The following WBP1L variants were observed in gnomAD, a reference collection of about 807,000 sequenced individuals.
WBP1L encodes WW domain binding protein 1-like.
WBP1L carries 17 observed loss-of-function variants against 33.7 expected under a neutral mutation model. That is an observed-to-expected ratio of 0.50 (90% CI 0.34 to 0.76). WBP1L has a LOEUF of 0.76. Ranked by LOEUF, WBP1L falls within the 30% of genes least tolerant of loss-of-function variation. The probability of loss-of-function intolerance (pLI) is 0.01; values close to 1 mark genes in which losing one functional copy is unlikely to be tolerated. For missense variants in WBP1L, 389 were observed against 469.4 expected (o/e 0.83, Z 1.58); for synonymous variants, 173 against 190.8 (o/e 0.91, Z 0.77).
Position 102,747,767 on chromosome 10 carries a change from A to G in WBP1L, c.90+3624A>G, listed in dbSNP as rs529594127. ...GGTCGCAAACTCCTGGGCTCAAGCG[A>G]TCTGCCCATCTCAGCCTCCCAGAGT... On this transcript the variant is annotated intron_variant, in intron 1 of 3. Transcript: ENST00000448841. 5.3e-5 allele frequency among the ~76,000 whole-genome samples: 8 copies of G among 152,226 alleles called. No homozygotes were observed. The South Asian group carries it at 1.7e-3, about 32-fold the overall frequency.
intron 1 of WBP1L, among the ~76,000 whole-genome samples, chr10:102,749,766 ATATT>A (rs779379207): frequency 1.3e-5 from 2 of 151,380 alleles, no homozygotes; most frequent in African/African-American, 2.4e-5. Flanking sequence ...CTGGCCCTCC[ATATT>A]TATTTATTTA....
intron 1 of WBP1L, among the ~76,000 whole-genome samples, chr10:102,783,284 G>A (rs901957550): frequency 1.3e-5 from 2 of 152,152 alleles, no homozygotes; most frequent in East Asian, 1.9e-4. Flanking sequence ...GTTCATTCTC[G>A]CACTGGTCAT....
At chr10:102,789,323 C>G (rs1271748232) in intron 1 of WBP1L, among the ~76,000 whole-genome samples, 4 of 152,274 alleles carry the variant, frequency 2.6e-5, no homozygotes, top group Middle Eastern at 6.8e-3. Context: ...GAATTCTTAG[C>G]TCCCCTTTCA....
At chr10:102,748,039 G>C (rs752845515) in intron 1 of WBP1L, among the ~76,000 whole-genome samples, 1 of 151,874 alleles carries the variant, frequency 6.6e-6, no homozygotes, top group Admixed American at 6.6e-5. Context: ...GGCGGATCAC[G>C]AGATCAGGAG....
chr10:102,774,731 C>G (rs1311419111), intron 1 of WBP1L, among the ~76,000 whole-genome samples: 1 of 151,974 alleles, frequency 6.6e-6, no homozygotes, highest in Non-Finnish European at 1.5e-5. Context: ...CCATGGAGGC[C>G]TTGGATAAGT....
chr10:102,767,619 G>A (rs1021109891), intron 1 of WBP1L, among the ~76,000 whole-genome samples: 1 of 152,152 alleles, frequency 6.6e-6, no homozygotes, highest in Non-Finnish European at 1.5e-5. Flanking sequence ...TTTGGAGACC[G>A]AGAGCAGGAT....
In WBP1L at chr10:102,815,382, C is replaced by G. The variant is rs971795494; in HGVS notation, c.*2051C>G. 1 of 152,690 alleles carries G rather than the reference C, an allele frequency of 6.5e-6. No individual in the cohort carries two copies. Among genetic ancestry groups the G allele is most frequent in the Non-Finnish European group, 1.5e-5 (1 of 68,076 alleles). The allele number at this position is 152,690 out of a possible 1,614,324, so 9.5% of individuals were successfully genotyped here. On this transcript the variant is annotated 3_prime_UTR_variant, in exon 4 of 4. Coordinates refer to ENST00000448841, the MANE Select transcript of WBP1L (RefSeq NM_001083913.2). ...CTGCCTCCCTCGGCTGCTGCTGGTCCTCAGTACCAGCGCCCGGGGGTGTCC... is the reference window on the plus strand; with the variant it reads ...CTGCCTCCCTCGGCTGCTGCTGGTCGTCAGTACCAGCGCCCGGGGGTGTCC...
At chr10:102,751,920 T>C (rs1323310512) in intron 1 of WBP1L, among the ~76,000 whole-genome samples, 1 of 152,224 alleles carries the variant, frequency 6.6e-6, no homozygotes, top group Non-Finnish European at 1.5e-5. Context: ...GATTAATAAG[T>C]ATAATAATAA....
chr10:102,761,193 G>A (rs1455687512), intron 1 of WBP1L, among the ~76,000 whole-genome samples: 1 of 148,152 alleles, frequency 6.7e-6, no homozygotes, highest in South Asian at 2.2e-4. Flanking sequence ...AGGCTGGAGT[G>A]CAGTGGCGCG....
chr10:102,765,698 G>A (rs1843097610), intron 1 of WBP1L, among the ~76,000 whole-genome samples: 1 of 152,220 alleles, frequency 6.6e-6, no homozygotes, highest in South Asian at 2.1e-4. Flanking sequence ...AGGTAGGGCT[G>A]AGAAGAAATA....
chr10:102,783,828 G>A (rs925209962), intron 1 of WBP1L, among the ~76,000 whole-genome samples: 1 of 152,192 alleles, frequency 6.6e-6, no homozygotes, highest in Non-Finnish European at 1.5e-5. Flanking sequence ...AGAAACCTTG[G>A]GGTAGAAACC....
chr10:102,796,699 T>C (rs1396204398), intron 1 of WBP1L, among the ~76,000 whole-genome samples: 1 of 152,224 alleles, frequency 6.6e-6, no homozygotes, highest in Non-Finnish European at 1.5e-5. Flanking sequence ...CAATGTCTTA[T>C]TCATCTTTGT....
intron 1 of WBP1L, among the ~76,000 whole-genome samples, chr10:102,763,207 CA>C (rs36003893): frequency 0.01 from 954 of 94,024 alleles, 6 homozygotes; most frequent in African/African-American, 0.031. Context: ...ACTTTTGTCT[CA>C]AAAAAAAAAA....
chr10:102,790,956 T>C (rs1843488987), intron 1 of WBP1L, among the ~76,000 whole-genome samples: 1 of 152,212 alleles, frequency 6.6e-6, no homozygotes, highest in African/African-American at 2.4e-5. Flanking sequence ...CCTCAGACCA[T>C]GTAGTAGTAC....
Position 102,766,216 on chromosome 10 carries a change from C to G in WBP1L, c.90+22073C>G, listed in dbSNP as rs1350007006. 5.3e-5 allele frequency among the ~76,000 whole-genome samples: 8 copies of G among 151,874 alleles called. No individual in the cohort carries two copies. In the South Asian group the frequency reaches 1.7e-3, roughly 32 times the overall value. ...CAGCACTTTGGGAGGCCGAGGCAGG[C>G]GGATCACCTCAGGTCGGGAGTTTGA... On this transcript the variant is annotated intron_variant, in intron 1 of 3. Transcript: ENST00000448841.
intron 1 of WBP1L, among the ~76,000 whole-genome samples, chr10:102,760,469 C>T (rs560441337): frequency 2.2e-4 from 34 of 151,320 alleles, no homozygotes; most frequent in Admixed American, 4.0e-4. Flanking sequence ...CTCCGCCTCC[C>T]GGGTTCAAGC....
rs780908191 is a variant in WBP1L, at chr10:102,812,597, T to A, written c.358T>A (p.Phe120Ile). 6.4e-7 allele frequency: 1 copy of A among 1,570,584 alleles called. No individual in the cohort carries two copies. The highest frequency in any genetic ancestry group is 1.4e-5 in the African/African-American group (1 of 73,976). The change falls in exon 4 of 4, where the codon TTT becomes ATT. Residue 120 changes from phenylalanine (F) to isoleucine (I), a missense_variant and splice_region_variant. Coordinates refer to ENST00000448841, the MANE Select transcript of WBP1L (RefSeq NM_001083913.2). ...TCCTTCCTACCTCCCCATTTTAGGGTTTTTGCCAAACTATTTACTACCTCC... is the reference window on the plus strand; with the variant it reads ...TCCTTCCTACCTCCCCATTTTAGGGATTTTGCCAAACTATTTACTACCTCC... ...NYSALPFYFRFLPNYLLPPYE... is the reference protein window; with the variant it reads ...NYSALPFYFRILPNYLLPPYE...
chr10:102,761,453 T>A (rs1843040163), intron 1 of WBP1L, among the ~76,000 whole-genome samples: 1 of 151,856 alleles, frequency 6.6e-6, no homozygotes, highest in Admixed American at 6.6e-5. Context: ...AATTTTTTTA[T>A]GTTTAATTTT....
chr10:102,813,596 TC>T lies in WBP1L; in HGVS notation c.*266del. ...CCTCATACCCTAACTCCATCTCCTT[TC>T]TTTAAAGTCAAATCTCACCTACCTG... On this transcript the variant is annotated 3_prime_UTR_variant, in exon 4 of 4. Coordinates refer to ENST00000448841, the MANE Select transcript of WBP1L (RefSeq NM_001083913.2). 1 of 496,978 alleles carries T rather than the reference TC, an allele frequency of 2.0e-6. No homozygotes were observed. Among genetic ancestry groups the T allele is most frequent in the Non-Finnish European group, 3.5e-6 (1 of 281,714 alleles). The allele number at this position is 496,978 out of a possible 1,614,324, so 30.8% of individuals were successfully genotyped here.
Sources: allele counts gnomAD v4.1 joint callset (sites outside exome capture counted in the v4.1 genomes callset), GRCh38; gene constraint gnomAD v4.1.1; transcripts MANE v1.5; gene names NCBI Gene and HGNC (gene_info 2026-07-23, HGNC 2026-07-21).